SDHAF3: variants seen among roughly 807,000 people sequenced by gnomAD.
The protein encoded by SDHAF3 is succinate dehydrogenase complex assembly factor 3, also known as succinate dehydrogenase assembly factor 3, mitochondrial.
SDHAF3 carries 18 observed loss-of-function variants against 11.5 expected under a neutral mutation model. That is an observed-to-expected ratio of 1.56 (90% CI 1.08 to 2.32). SDHAF3 has a LOEUF of 2.32. SDHAF3 is among the 30% of genes most tolerant of loss of function. The pLI is 0.00. For missense variants in SDHAF3, 200 were observed against 154.4 expected (o/e 1.30, Z -1.57); for synonymous variants, 72 against 59.3 (o/e 1.21, Z -0.99).
intron 1 of SDHAF3, among the ~76,000 whole-genome samples, chr7:97,147,651 A>C (rs1789155757): frequency 1.3e-5 from 2 of 152,182 alleles, no homozygotes; most frequent in Middle Eastern, 3.2e-3. Flanking sequence ...TTGTTACAAA[A>C]ATTTTATATA....
At chr7:97,152,863 G>A (rs1184349190) in intron 1 of SDHAF3, among the ~76,000 whole-genome samples, 1 of 152,086 alleles carries the variant, frequency 6.6e-6, no homozygotes, top group Non-Finnish European at 1.5e-5. Context: ...TTGCCATCTT[G>A]GCCAGTCTTG....
chr7:97,135,668 G>GTATATATATATATA (rs34446320), intron 1 of SDHAF3: 3 of 63,916 alleles, frequency 4.7e-5, no homozygotes, highest in Admixed American at 2.3e-4. Flanking sequence ...GTGTGTGTGT[G>GTATATATATATATA]TATATATATA....
intron 1 of SDHAF3, among the ~76,000 whole-genome samples, chr7:97,173,713 C>T (rs1005217340): frequency 5.9e-5 from 9 of 151,494 alleles, no homozygotes; most frequent in Non-Finnish European, 1.0e-4. Flanking sequence ...CCACCACGCC[C>T]GGCTAATTTT....
At chr7:97,164,607 C>A (rs1010505930) in intron 1 of SDHAF3, among the ~76,000 whole-genome samples, 1 of 150,656 alleles carries the variant, frequency 6.6e-6, no homozygotes, top group South Asian at 2.1e-4. Context: ...ACTCCTGACC[C>A]TAGGTGATCC....
At chr7:97,142,753 A>G (rs545092469) in intron 1 of SDHAF3, 42 of 152,268 alleles carry the variant, frequency 2.8e-4, no homozygotes, top group African/African-American at 9.9e-4. Flanking sequence ...AAAGGCCTAG[A>G]AGAGCCATAA....
chr7:97,143,240 G>A (rs1789083551), intron 1 of SDHAF3, among the ~76,000 whole-genome samples: 1 of 151,898 alleles, frequency 6.6e-6, no homozygotes, highest in African/African-American at 2.4e-5. Context: ...TTAAAAACTG[G>A]ATTAATCTTT....
intron 1 of SDHAF3, among the ~76,000 whole-genome samples, chr7:97,143,623 ATGT>A (rs1230467075): frequency 6.6e-6 from 1 of 151,696 alleles, no homozygotes; most frequent in Admixed American, 6.6e-5. Flanking sequence ...GTCACTGCAA[ATGT>A]TGTTAATTCA....
At chr7:97,170,130 G>A (rs1789584321) in intron 1 of SDHAF3, among the ~76,000 whole-genome samples, 2 of 151,180 alleles carry the variant, frequency 1.3e-5, no homozygotes, top group Non-Finnish European at 2.9e-5. Flanking sequence ...GCTTTACTGT[G>A]GTGTCATTGA....
chr7:97,171,657 AACC>A (rs1248934489), intron 1 of SDHAF3, among the ~76,000 whole-genome samples: 1 of 152,064 alleles, frequency 6.6e-6, no homozygotes, highest in African/African-American at 2.4e-5. Flanking sequence ...AAATGTTTTA[AACC>A]ATTTGGTTTT....
At chr7:97,132,776 C>A (rs566948095) in intron 1 of SDHAF3, among the ~76,000 whole-genome samples, 1 of 152,212 alleles carries the variant, frequency 6.6e-6, no homozygotes, top group East Asian at 1.9e-4. Flanking sequence ...ATAGGCTCCC[C>A]TTGGCTTAGA....
intron 1 of SDHAF3, among the ~76,000 whole-genome samples, chr7:97,121,290 A>G (rs1004525511): frequency 6.6e-6 from 1 of 152,238 alleles, no homozygotes. Flanking sequence ...GGAAATCAGA[A>G]TAAGCATTGA....
At chr7:97,129,621 T>C (rs1584209922) in intron 1 of SDHAF3, among the ~76,000 whole-genome samples, 1 of 152,280 alleles carries the variant, frequency 6.6e-6, no homozygotes, top group East Asian at 1.9e-4. Context: ...AACTAAGGCC[T>C]ATAGAAGTAA....
At chr7:97,176,986 A>T (rs1789688720) in intron 1 of SDHAF3, among the ~76,000 whole-genome samples, 1 of 151,990 alleles carries the variant, frequency 6.6e-6, no homozygotes, top group Non-Finnish European at 1.5e-5. Flanking sequence ...CAGGATCCTG[A>T]TGTTGGTTGT....
chr7:97,160,423 C>T (rs555292379), intron 1 of SDHAF3, among the ~76,000 whole-genome samples: 68 of 151,980 alleles, frequency 4.5e-4, no homozygotes, highest in Admixed American at 1.0e-3. Flanking sequence ...CCATCGAGAA[C>T]GGGCCATGAC....
Position 97,136,418 on chromosome 7 carries a change from T to A in SDHAF3, c.174+18521T>A, listed in dbSNP as rs577622057. 1.2e-4 allele frequency: 80 copies of A among 642,302 alleles called. 1 individual carries two copies. The South Asian group carries it at 1.3e-3, about 11-fold the overall frequency. The allele number at this position is 642,302 out of a possible 1,614,324, so 39.8% of individuals were successfully genotyped here. ...GTCCAGAAATCTTGATGCATGTATC[T>A]GAAAAGAAAATTTCTGTTTCATGTG... On this transcript the variant is annotated intron_variant, in intron 1 of 1. Coordinates refer to ENST00000432641, the MANE Select transcript of SDHAF3 (RefSeq NM_020186.3).
intron 1 of SDHAF3, among the ~76,000 whole-genome samples, chr7:97,138,038 A>G (rs1788958583): frequency 1.3e-5 from 2 of 151,552 alleles, no homozygotes; most frequent in Admixed American, 6.6e-5. Flanking sequence ...ACACCCAGCT[A>G]ATTTTGTATT....
chr7:97,140,217 C>A (rs1789008812), intron 1 of SDHAF3, among the ~76,000 whole-genome samples: 1 of 152,138 alleles, frequency 6.6e-6, no homozygotes, highest in South Asian at 2.1e-4. Context: ...CATGGCCAAA[C>A]CCTAAAGTGT....
chr7:97,140,565 A>G (rs888104215), intron 1 of SDHAF3, among the ~76,000 whole-genome samples: 37 of 152,256 alleles, frequency 2.4e-4, no homozygotes, highest in Middle Eastern at 3.4e-3. Context: ...TGAAGATTTC[A>G]TGGACACTTA....
chr7:97,159,701 C>G (rs1002704199), intron 1 of SDHAF3, among the ~76,000 whole-genome samples: 3 of 152,126 alleles, frequency 2.0e-5, no homozygotes, highest in Admixed American at 6.5e-5. Flanking sequence ...TTCAAGGCCA[C>G]TGGTCATCTG....
Sources: gnomAD v4.1 joint callset for allele counts (sites outside exome capture counted in the v4.1 genomes callset) on GRCh38, gnomAD v4.1.1 for gene constraint, MANE v1.5 for transcripts, NCBI Gene and HGNC (gene_info 2026-07-23, HGNC 2026-07-21) for gene names.